The following TTC27 variants were observed in gnomAD, a reference collection of about 807,000 sequenced individuals.
TTC27 encodes tetratricopeptide repeat protein 27.
A neutral mutation model predicts 115.9 loss-of-function variants in TTC27; 79 were observed. The ratio of observed to expected loss-of-function variants is 0.68; its 90% CI spans 0.57 to 0.82. The LOEUF (loss-of-function observed/expected upper bound fraction) is 0.82. Among genes scored for constraint, TTC27 ranks in the 40% least tolerant of loss-of-function variants. The pLI, the probability that TTC27 is intolerant of heterozygous loss-of-function variation, is 0.00. For synonymous variants in TTC27, 401 were observed against 356.0 expected (o/e 1.13, Z -1.42); for missense variants, 1,054 against 993.1 (o/e 1.06, Z -0.82).
At position 32,681,980 on chromosome 2, in the gene TTC27, ATGTGTG is replaced by A. The variant is rs70938359; in HGVS notation, c.1119+3100_1119+3105del. Reference sequence around the variant, plus strand: ...TAATTATTTATATATATGTATATATATGTGTGTGTGTGTGTGTGTGTGTGTGTGTGT... The same window carrying A: ...TAATTATTTATATATATGTATATATATGTGTGTGTGTGTGTGTGTGTGTGT... On this transcript the variant is annotated intron_variant, in intron 9 of 19. Coordinates refer to ENST00000317907, the MANE Select transcript of TTC27 (RefSeq NM_017735.5). 3.4e-3 allele frequency among the ~76,000 whole-genome samples: 308 copies of A among 90,038 alleles called. 1 individual carries two copies. Among genetic ancestry groups the A allele is most frequent in the African/African-American group, 6.2e-3 (181 of 29,140 alleles). The allele number at this position is 90,038 out of a possible 152,430, so 59.1% of individuals were successfully genotyped here.
At chr2:32,692,036 G>GTT (rs779547700) in intron 9 of TTC27, among the ~76,000 whole-genome samples, 1,744 of 61,034 alleles carry the variant, frequency 0.029, 402 homozygotes, top group East Asian at 0.05. Context: ...AATTTTTTAG[G>GTT]TTTTTTTTTT....
intron 9 of TTC27, among the ~76,000 whole-genome samples, chr2:32,681,591 C>G (rs2057344): frequency 0.54 from 82,135 of 151,248 alleles, 23,728 homozygotes; most frequent in South Asian, 0.71. Flanking sequence ...AATACCTATA[C>G]GACCATTCTG....
At chr2:32,817,772 T>C (rs1326047554) in intron 19 of TTC27, among the ~76,000 whole-genome samples, 2 of 152,146 alleles carry the variant, frequency 1.3e-5, no homozygotes, top group Admixed American at 1.3e-4. Context: ...GTCTTTGAAA[T>C]TGTCTGGGTG....
At chr2:32,776,980 AT>A (rs148364373) in intron 13 of TTC27, among the ~76,000 whole-genome samples, 2 of 151,678 alleles carry the variant, frequency 1.3e-5, no homozygotes, top group Admixed American at 1.3e-4. Flanking sequence ...TGATGTACAG[AT>A]TTTTTTTTGT....
chr2:32,796,035 A>T (rs1049779689), intron 16 of TTC27, among the ~76,000 whole-genome samples: 1 of 152,194 alleles, frequency 6.6e-6, no homozygotes, highest in African/African-American at 2.4e-5. Context: ...TTTGCAGATG[A>T]TGTGATCTTG....
At chr2:32,732,195 C>T (rs1668314011) in intron 10 of TTC27, among the ~76,000 whole-genome samples, 1 of 152,166 alleles carries the variant, frequency 6.6e-6, no homozygotes, top group African/African-American at 2.4e-5. Flanking sequence ...TTCTTCTCTA[C>T]CCTCCCTCCC....
intron 10 of TTC27, among the ~76,000 whole-genome samples, chr2:32,711,141 AAG>A (rs1667565637): frequency 2.9e-5 from 4 of 138,734 alleles, no homozygotes; most frequent in Non-Finnish European, 4.6e-5. Context: ...AAAAAAAAAG[AAG>A]AAGAAGAAGA....
chr2:32,775,761 G>T (rs1669977123), intron 13 of TTC27, among the ~76,000 whole-genome samples: 1 of 152,096 alleles, frequency 6.6e-6, no homozygotes, highest in Non-Finnish European at 1.5e-5. Context: ...TAAGCTATTG[G>T]TTTTTCAGAT....
rs112374615 is a variant in TTC27, at chr2:32,703,987, G to A, written c.1233+1067G>A. 1.3e-3 allele frequency among the ~76,000 whole-genome samples: 193 copies of A among 152,314 alleles called. 1 individual carries two copies. Among genetic ancestry groups the A allele is most frequent in the Admixed American group, 4.1e-3 (63 of 15,304 alleles). ...TGGCACTGTCTAGGTGTTCTCATAC[G>A]ACAGAAGAGTGGAAGAGAGTGAACC... On this transcript the variant is annotated intron_variant, in intron 10 of 19. Coordinates refer to ENST00000317907, the MANE Select transcript of TTC27 (RefSeq NM_017735.5).
rs1192939410 is a variant in TTC27 at position 32,634,266 on chromosome 2, G to A, written c.396+261G>A. Reference sequence around the variant, plus strand: ...GAAAGTACAGACAGCTGCACCAGTTGTTTAGTTGGTTGTATCACCTCAGTT... The same window carrying A: ...GAAAGTACAGACAGCTGCACCAGTTATTTAGTTGGTTGTATCACCTCAGTT... On this transcript the variant is annotated intron_variant, in intron 3 of 19. Coordinates refer to ENST00000317907, the MANE Select transcript of TTC27 (RefSeq NM_017735.5). Among the ~76,000 whole-genome samples, 3 of 151,762 alleles carry A rather than the reference G, an allele frequency of 2.0e-5. No individual in the cohort carries two copies. The East Asian group carries it at 5.8e-4, about 29-fold the overall frequency.
Position 32,811,194 on chromosome 2 carries a change from G to T in TTC27, c.2169G>T (p.Gln723His). 3.1e-6 allele frequency: 5 copies of T among 1,614,062 alleles called. No homozygotes were observed. The highest frequency in any genetic ancestry group is 4.2e-6 in the Non-Finnish European group (5 of 1,179,952). The change falls in exon 17 of 20, where the codon CAG becomes CAT. Residue 723 changes from glutamine (Q) to histidine (H), a missense_variant. Transcript: ENST00000317907. ...ATGCCCACGTATATGGAAATGGGCA[G>T]AGTGAAAAGCCTGATGAAAATGAAA... ...RLYAHVYGNG[Q>H]SEKPDENEKA...
chr2:32,722,955 C>T (rs987267450), intron 10 of TTC27, among the ~76,000 whole-genome samples: 2 of 152,028 alleles, frequency 1.3e-5, no homozygotes, highest in South Asian at 2.1e-4. Flanking sequence ...ATATGAGCTT[C>T]CTGAGAATAG....
intron 6 of TTC27, among the ~76,000 whole-genome samples, chr2:32,666,114 G>T (rs552729757): frequency 6.6e-6 from 1 of 152,118 alleles, no homozygotes; most frequent in East Asian, 1.9e-4. Flanking sequence ...AAAGTGGTTT[G>T]AAAACAGCTA....
intron 12 of TTC27, among the ~76,000 whole-genome samples, chr2:32,741,016 C>T (rs1039994591): frequency 3.3e-5 from 5 of 152,204 alleles, no homozygotes; most frequent in Non-Finnish European, 7.3e-5. Flanking sequence ...TTTTACTCCC[C>T]TTCATACCTA....
intron 8 of TTC27, among the ~76,000 whole-genome samples, chr2:32,673,369 C>T (rs1220185701): frequency 2.0e-5 from 3 of 151,982 alleles, no homozygotes; most frequent in East Asian, 1.9e-4. Flanking sequence ...GGATTACAGG[C>T]GCACACCACC....
intron 16 of TTC27, among the ~76,000 whole-genome samples, chr2:32,788,161 G>A (rs562146971): frequency 3.3e-5 from 5 of 152,224 alleles, no homozygotes; most frequent in South Asian, 4.2e-4. Flanking sequence ...ATCTCAAGGA[G>A]AATGTAAATT....
chr2:32,759,298 T>C lies in TTC27; in HGVS notation c.1680+779T>C, dbSNP rs1456778361. ...AATCACCAGTTAAAATACTAACTTA[T>C]AATTAGTGACTAATGTTCACCAAGC... On this transcript the variant is annotated intron_variant, in intron 13 of 19. Transcript: ENST00000317907. 2.0e-5 allele frequency among the ~76,000 whole-genome samples: 3 copies of C among 152,234 alleles called. No homozygotes were observed. In the East Asian group the frequency reaches 5.8e-4, roughly 29 times the overall value.
intron 3 of TTC27, among the ~76,000 whole-genome samples, chr2:32,637,369 TTG>T (rs1356151169): frequency 6.6e-6 from 1 of 152,112 alleles, no homozygotes; most frequent in Non-Finnish European, 1.5e-5. Flanking sequence ...TCTCACTGTG[TTG>T]CCCAGGCTGG....
At chr2:32,668,047 C>T (rs1237606786) in intron 7 of TTC27, among the ~76,000 whole-genome samples, 14 of 151,560 alleles carry the variant, frequency 9.2e-5, no homozygotes, top group African/African-American at 2.9e-4. Context: ...AAAAATTAAC[C>T]GGGCGTGGTG....
Sources: allele counts gnomAD v4.1 joint callset (sites outside exome capture counted in the v4.1 genomes callset), GRCh38; gene constraint gnomAD v4.1.1; transcripts MANE v1.5; gene names NCBI Gene and HGNC (gene_info 2026-07-23, HGNC 2026-07-21).